The following DLGAP2 variants were observed in gnomAD, a reference collection of about 807,000 sequenced individuals.
DLGAP2 encodes DLG associated protein 2, also known as disks large-associated protein 2.
A neutral mutation model predicts 100.3 loss-of-function variants in DLGAP2; 26 were observed. The ratio of observed to expected loss-of-function variants is 0.26; its 90% CI spans 0.19 to 0.36. DLGAP2 has a LOEUF of 0.36. Ranked by LOEUF, DLGAP2 falls within the 10% of genes least tolerant of loss-of-function variation. The pLI is 1.00. For synonymous variants in DLGAP2, 886 were observed against 630.1 expected, an observed-to-expected ratio of 1.41 and a Z score of -6.08; for missense variants, 1,858 against 1,453.2, an observed-to-expected ratio of 1.28 and a Z score of -4.53.
intron 3 of DLGAP2, among the ~76,000 whole-genome samples, chr8:1,410,296 G>A (rs1454695600): frequency 6.6e-6 from 1 of 152,212 alleles, no homozygotes; most frequent in African/African-American, 2.4e-5. Flanking sequence ...TGACACGGAA[G>A]GTAACATTCA....
chr8:1,321,164 T>G (rs1185702235), intron 3 of DLGAP2, among the ~76,000 whole-genome samples: 1 of 151,766 alleles, frequency 6.6e-6, no homozygotes, highest in East Asian at 1.9e-4. Flanking sequence ...CGTGCCCGTA[T>G]GTGTCTGCGT....
chr8:1,657,981 C>G (rs990115895), intron 8 of DLGAP2, among the ~76,000 whole-genome samples: 1 of 152,024 alleles, frequency 6.6e-6, no homozygotes, highest in Non-Finnish European at 1.5e-5. Flanking sequence ...GGGAGCAGAT[C>G]GCCCAAAAGA....
At chr8:951,760 T>G (rs1799485691) in intron 2 of DLGAP2, among the ~76,000 whole-genome samples, 1 of 152,232 alleles carries the variant, frequency 6.6e-6, no homozygotes, top group South Asian at 2.1e-4. Flanking sequence ...GTCATGCATT[T>G]CCTAGATCAG....
intron 2 of DLGAP2, among the ~76,000 whole-genome samples, chr8:1,083,986 G>A (rs1295144009): frequency 6.6e-6 from 1 of 152,108 alleles, no homozygotes; most frequent in African/African-American, 2.4e-5. Flanking sequence ...AAATAAGATA[G>A]GACCCTGTGA....
chr8:807,072 C>T (rs150354146), intron 1 of DLGAP2, among the ~76,000 whole-genome samples: 60 of 152,326 alleles, frequency 3.9e-4, no homozygotes, highest in Non-Finnish European at 7.9e-4. Context: ...GCCACTGCTG[C>T]AGAGGTCAGA....
chr8:1,458,233 C>A (rs1398984716), intron 3 of DLGAP2, among the ~76,000 whole-genome samples: 1 of 151,742 alleles, frequency 6.6e-6, no homozygotes, highest in East Asian at 1.9e-4. Context: ...ATAAGATCTT[C>A]TATGTTGCCT....
At chr8:957,490 G>C (rs1278756532) in intron 2 of DLGAP2, among the ~76,000 whole-genome samples, 3 of 152,240 alleles carry the variant, frequency 2.0e-5, no homozygotes, top group African/African-American at 7.2e-5. Context: ...CCAGCCTAGA[G>C]ATGCTGATAT....
At chr8:1,596,740 A>C (rs570979031) in intron 6 of DLGAP2, among the ~76,000 whole-genome samples, 12 of 151,950 alleles carry the variant, frequency 7.9e-5, no homozygotes, top group African/African-American at 2.4e-4. Context: ...TTTTTCTTGT[A>C]AATTTGTTAA....
At chr8:1,416,958 G>T (rs1047516422) in intron 3 of DLGAP2, among the ~76,000 whole-genome samples, 14 of 152,182 alleles carry the variant, frequency 9.2e-5, no homozygotes, top group Non-Finnish European at 2.1e-4. Flanking sequence ...AGGAGGCCCA[G>T]CTCAGTGCGG....
intron 2 of DLGAP2, among the ~76,000 whole-genome samples, chr8:1,122,760 CTTTTTTT>C (rs1012106072): frequency 6.7e-6 from 1 of 148,844 alleles, no homozygotes; most frequent in Non-Finnish European, 1.5e-5. Context: ...CTTCTTTTTT[CTTTTTTT>C]TTTCTTTTCT....
At chr8:1,316,002 G>C (rs1348678572) in intron 3 of DLGAP2, among the ~76,000 whole-genome samples, 1 of 138,246 alleles carries the variant, frequency 7.2e-6, no homozygotes, top group Non-Finnish European at 1.6e-5. Context: ...TGCGAGTGCA[G>C]CGTCTCTCCA....
chr8:800,372 C>G (rs928988599), intron 1 of DLGAP2, among the ~76,000 whole-genome samples: 1 of 152,252 alleles, frequency 6.6e-6, no homozygotes, highest in African/African-American at 2.4e-5. Context: ...AAAGGAGAAT[C>G]AGCTAGATGT....
intron 1 of DLGAP2, among the ~76,000 whole-genome samples, chr8:784,501 C>G (rs1338793585): frequency 2.0e-5 from 3 of 152,222 alleles, no homozygotes; most frequent in East Asian, 3.8e-4. Flanking sequence ...CCATTTAATA[C>G]TAACGTGTTC....
chr8:1,197,075 C>A (rs929627460), intron 2 of DLGAP2, among the ~76,000 whole-genome samples: 1 of 152,148 alleles, frequency 6.6e-6, no homozygotes, highest in African/African-American at 2.4e-5. Context: ...GGAACAAATT[C>A]TCCTTTCTCC....
intron 2 of DLGAP2, among the ~76,000 whole-genome samples, chr8:949,905 T>C (rs191171227): frequency 1.1e-4 from 17 of 152,268 alleles, no homozygotes; most frequent in African/African-American, 4.1e-4. Context: ...ATAGCGTTGA[T>C]TTTCTGCTAA....
At chr8:859,051 A>G (rs553246464) in intron 1 of DLGAP2, among the ~76,000 whole-genome samples, 12 of 152,230 alleles carry the variant, frequency 7.9e-5, no homozygotes, top group African/African-American at 2.2e-4. Context: ...TAAAAAATAC[A>G]TCGACATTCT....
intron 3 of DLGAP2, among the ~76,000 whole-genome samples, chr8:1,449,048 G>T (rs917000763): frequency 6.6e-6 from 1 of 152,182 alleles, no homozygotes; most frequent in Non-Finnish European, 1.5e-5. Flanking sequence ...GGTCAGGGAC[G>T]GCACATCCCG....
chr8:1,270,999 T>A (rs1314540544), intron 3 of DLGAP2, among the ~76,000 whole-genome samples: 1 of 152,204 alleles, frequency 6.6e-6, no homozygotes, highest in East Asian at 1.9e-4. Context: ...AAGTAATTTT[T>A]TAAATTTCAG....
chr8:1,138,888 G>A (rs1357146002), intron 2 of DLGAP2, among the ~76,000 whole-genome samples: 1 of 151,832 alleles, frequency 6.6e-6, no homozygotes, highest in African/African-American at 2.4e-5. Context: ...CCTGGCCTGT[G>A]CGGCTGGTGG....
Sources: allele counts gnomAD v4.1 joint callset (sites outside exome capture counted in the v4.1 genomes callset), GRCh38; gene constraint gnomAD v4.1.1; transcripts MANE v1.5; gene names NCBI Gene and HGNC (gene_info 2026-07-23, HGNC 2026-07-21).